The following POP1 variants were observed in gnomAD, a reference collection of about 807,000 sequenced individuals.
The protein encoded by POP1 is POP1 ribonuclease P/MRP subunit.
POP1 carries 75 observed loss-of-function variants against 102.2 expected under a neutral mutation model. That is an observed-to-expected ratio of 0.73 (90% confidence interval 0.61 to 0.89). The LOEUF is 0.89. Among genes scored for constraint, POP1 ranks in the 40% least tolerant of loss-of-function variants. POP1 has a pLI of 0.00. For missense variants in POP1, 1,116 were observed against 1,267.4 expected, an observed-to-expected ratio of 0.88 and a Z score of 1.81; for synonymous variants, 436 against 464.1, an observed-to-expected ratio of 0.94 and a Z score of 0.78.
intron 5 of POP1, among the ~76,000 whole-genome samples, chr8:98,132,846 G>A (rs1816416930): frequency 6.8e-6 from 1 of 147,760 alleles, no homozygotes; most frequent in Non-Finnish European, 1.5e-5. Context: ...GAGGCAGGAG[G>A]ATTGCTTGAG....
chr8:98,144,699 C>T (rs548010524), intron 11 of POP1, among the ~76,000 whole-genome samples: 15 of 152,216 alleles, frequency 9.9e-5, no homozygotes, highest in African/African-American at 3.4e-4. Flanking sequence ...ATCATGTTCC[C>T]GAAATCCGTG....
chr8:98,127,568 A>G (rs766820418), intron 2 of POP1, 27 bp from the exon 3 acceptor site: 7 of 1,613,570 alleles, frequency 4.3e-6, no homozygotes, highest in Middle Eastern at 1.6e-4. Context: ...GATAAAGGTG[A>G]CATGTTTCTT....
At chr8:98,133,909 A>G (rs1422955534) in intron 5 of POP1, 40 bp from the exon 6 acceptor site, 6 of 1,504,530 alleles carry the variant, frequency 4.0e-6, no homozygotes, top group Non-Finnish European at 5.6e-6. Flanking sequence ...TTGCCTGTGT[A>G]AATTCCTAAG....
intron 12 of POP1, among the ~76,000 whole-genome samples, chr8:98,147,001 A>G (rs1191960092): frequency 6.6e-6 from 1 of 152,264 alleles, no homozygotes; most frequent in Non-Finnish European, 1.5e-5. Context: ...TCTCTAGAAA[A>G]TGTTAATACA....
intron 13 of POP1, among the ~76,000 whole-genome samples, chr8:98,150,235 C>T (rs1268138156): frequency 2.6e-4 from 40 of 152,116 alleles, no homozygotes; most frequent in Admixed American, 2.6e-3. Context: ...AAGTATATAC[C>T]TTACTGTATA....
Position 98,157,755 on chromosome 8 carries a change from C to G in POP1, c.2559C>G (p.Pro853=). 6.2e-7 allele frequency: 1 copy of G among 1,614,190 alleles called. No individual in the cohort carries two copies. The highest frequency in any genetic ancestry group is 1.1e-5 in the South Asian group (1 of 91,088). The stretch of plus-strand genomic sequence containing the variant: ...GCCTGTCCATCTTGGGCCACTTCCC[C>G]AGGGCCCTGGTTTGGGTCAGCCTGT... The part of the protein sequence containing the change: ...EACLSILGHF[P]RALVWVSLSL... Residue 853 remains proline (P), a synonymous_variant, in exon 16 of 16, where the codon CCC becomes CCG. Coordinates refer to ENST00000401707, the MANE Select transcript of POP1 (RefSeq NM_001145860.2).
At chr8:98,137,469 G>A (rs1230864014) in intron 9 of POP1, among the ~76,000 whole-genome samples, 1 of 152,046 alleles carries the variant, frequency 6.6e-6, no homozygotes, top group Non-Finnish European at 1.5e-5. Context: ...GGCCCAGCTA[G>A]TAGAGACAGG....
In POP1 at chr8:98,121,828, G is replaced by A. The variant is rs556306629; in HGVS notation, c.-2-1508G>A. Among the ~76,000 whole-genome samples, 256 of 151,552 alleles carry A rather than the reference G, an allele frequency of 1.7e-3. 1 individual carries two copies. Among genetic ancestry groups the A allele is most frequent in the African/African-American group, 5.8e-3 (238 of 41,300 alleles). On this transcript the variant is annotated intron_variant, in intron 1 of 15. Transcript: ENST00000401707. The stretch of plus-strand genomic sequence containing the variant: ...CTCCTGAGTAGCTGCGACTACAGGC[G>A]CCCGCCACCATGCCTGGCTAATTTT...
Position 98,146,820 on chromosome 8 carries a change from C to T in POP1, c.1710+137C>T, listed in dbSNP as rs549446962. 2.1e-4 allele frequency: 143 copies of T among 689,744 alleles called. No homozygotes were observed. The African/African-American group carries it at 2.3e-3, about 11-fold the overall frequency. The allele number at this position is 689,744 out of a possible 1,614,324, so 42.7% of individuals were successfully genotyped here. On this transcript the variant is annotated intron_variant, in intron 12 of 15. Transcript: ENST00000401707. ...TTGTTTTCAAACAAGTTGTTGATCC[C>T]TAACTCATGATATGTACTGTGATTT...
At chr8:98,144,157 T>TA (rs146187108) in intron 11 of POP1, among the ~76,000 whole-genome samples, 17 of 151,200 alleles carry the variant, frequency 1.1e-4, no homozygotes, top group South Asian at 6.3e-4. Context: ...AGACTCCATC[T>TA]AAAAAAAAAC....
Position 98,117,391 on chromosome 8 carries a change from G to A in POP1, c.-3+1G>A. ...GGGGATTCCTCACAGCGTCTGGCAG[G>A]TTGGTCGTGAGGGGCTGGTGCCTTC... is the stretch of plus-strand genomic sequence containing the variant. On this transcript the variant is annotated splice_donor_variant, in intron 1 of 15. Coordinates refer to ENST00000401707, the MANE Select transcript of POP1 (RefSeq NM_001145860.2). LOFTEE classifies it low-confidence loss of function (5UTR_SPLICE). The A allele has an allele frequency of 2.3e-6, 1 of 430,422 alleles. No individual in the cohort carries two copies. Among genetic ancestry groups the A allele is most frequent in the Non-Finnish European group, 4.3e-6 (1 of 233,852 alleles). 26.7% of individuals were successfully genotyped at this position (430,422 alleles called of 1,614,324 possible). A position where few individuals can be genotyped will look rare whatever the true frequency, so the allele number is the denominator to read the frequency against.
In POP1 at chr8:98,157,992, G is replaced by A. The variant is rs200939314; in HGVS notation, c.2796G>A (p.Ala932=). ...GACGTGCCTCTTCTGATGGCCCGGC[G>A]GGGGAAGAGCCCGTGGCTGGGCAGG... ...KPGRASSDGP[A]GEEPVAGQEA... The change falls in exon 16 of 16, where the codon GCG becomes GCA. Residue 932 remains alanine (A), a synonymous_variant. Coordinates refer to ENST00000401707, the MANE Select transcript of POP1 (RefSeq NM_001145860.2). The A allele has an allele frequency of 3.1e-6, 5 of 1,612,884 alleles. No homozygotes were observed. The highest frequency in any genetic ancestry group is 2.2e-5 in the East Asian group (1 of 44,894).
chr8:98,126,012 ATT>A (rs769926677), intron 2 of POP1, among the ~76,000 whole-genome samples: 15 of 140,490 alleles, frequency 1.1e-4, no homozygotes, highest in Admixed American at 2.2e-4. Flanking sequence ...TGCCCAGCAA[ATT>A]TTTTTTTTTT....
intron 1 of POP1, among the ~76,000 whole-genome samples, chr8:98,118,082 A>G (rs903366533): frequency 3.9e-5 from 6 of 152,016 alleles, no homozygotes; most frequent in Non-Finnish European, 7.4e-5. Flanking sequence ...CTTCCTAAAG[A>G]TAATACAAGA....
At chr8:98,123,645 C>T (rs953032495) in intron 2 of POP1, among the ~76,000 whole-genome samples, 166 bp downstream of exon 2, 5 of 152,012 alleles carry the variant, frequency 3.3e-5, no homozygotes, top group South Asian at 2.1e-4. Flanking sequence ...GGTGTGGTGG[C>T]GCGTGCCTGT....
In POP1 at chr8:98,123,443, A is replaced by C. The variant is rs1417012131; in HGVS notation, c.106A>C (p.Ser36Arg). The C allele has an allele frequency of 6.2e-7, 1 of 1,614,082 alleles. No homozygotes were observed. Among genetic ancestry groups the C allele is most frequent in the Admixed American group, 1.7e-5 (1 of 60,016 alleles). ...FVADRGVKHH[S>R]GGEKPFQAQK... ...GGCTGACAGAGGTGTAAAGCACCACAGTGGAGGTGAAAAACCTTTCCAAGC... is the reference window on the plus strand; with the variant it reads ...GGCTGACAGAGGTGTAAAGCACCACCGTGGAGGTGAAAAACCTTTCCAAGC... The change falls in exon 2 of 16, where the codon AGT becomes CGT. Residue 36 changes from serine (S) to arginine (R), a missense_variant. Physicochemically the swap from Ser to Arg is moderately radical, Grantham distance 110. Coordinates refer to ENST00000401707, the MANE Select transcript of POP1 (RefSeq NM_001145860.2).
At chr8:98,134,802 ATGAAG>A in intron 7 of POP1, 143 bp downstream of exon 7, 3 of 919,594 alleles carry the variant, frequency 3.3e-6, no homozygotes, top group South Asian at 1.5e-5. Flanking sequence ...TGATTATTGA[ATGAAG>A]TGAATTTTTA....
Position 98,159,185 on chromosome 8 carries a change from T to C in POP1, c.*914T>C, listed in dbSNP as rs1809735675. The C allele has an allele frequency of 6.6e-6, 1 of 152,214 alleles. No individual in the cohort carries two copies. The highest frequency in any genetic ancestry group is 2.4e-5 in the African/African-American group (1 of 41,456). The allele number at this position is 152,214 out of a possible 1,614,324, so 9.4% of individuals were successfully genotyped here. ...TCTCTAGGAAGGAAATGATAGTGTA[T>C]AGTATTTTCTAAATACTTGTGATTC... On this transcript the variant is annotated 3_prime_UTR_variant, in exon 16 of 16. Transcript: ENST00000401707.
At chr8:98,150,412 T>C in intron 13 of POP1, 73 bp from the exon 14 acceptor site, 4 of 1,545,718 alleles carry the variant, frequency 2.6e-6, no homozygotes, top group Non-Finnish European at 3.6e-6. Flanking sequence ...TGTTTCCATT[T>C]TCCCCCATAT....
Sources: allele counts gnomAD v4.1 joint callset (sites outside exome capture counted in the v4.1 genomes callset), GRCh38; gene constraint gnomAD v4.1.1; transcripts MANE v1.5; gene names NCBI Gene and HGNC (gene_info 2026-07-23, HGNC 2026-07-21).